The following EFCAB6 variants were observed in gnomAD, a reference collection of about 807,000 sequenced individuals.
EFCAB6 encodes EF-hand calcium binding domain 6.
A neutral mutation model predicts 169.8 loss-of-function variants in EFCAB6; 156 were observed. The observed-to-expected ratio is 0.92, with a 90% CI of 0.81 to 1.05. The LOEUF (loss-of-function observed/expected upper bound fraction) is 1.05, where lower values mean the gene tolerates loss of function less well. Among genes scored for constraint, EFCAB6 ranks in the 50% least tolerant of loss-of-function variants. EFCAB6 has a pLI of 0.00. For missense variants in EFCAB6, 1,800 were observed against 1,829.1 expected (o/e 0.98, Z 0.29); for synonymous variants, 698 against 676.4 (o/e 1.03, Z -0.50).
chr22:43,596,216 A>T (rs924800551), intron 23 of EFCAB6, among the ~76,000 whole-genome samples: 1 of 152,164 alleles, frequency 6.6e-6, no homozygotes, highest in Non-Finnish European at 1.5e-5. Context: ...TACCACTTCT[A>T]TTCAACACAG....
intron 10 of EFCAB6, among the ~76,000 whole-genome samples, chr22:43,706,844 T>C (rs1179879961): frequency 6.6e-6 from 1 of 152,200 alleles, no homozygotes; most frequent in African/African-American, 2.4e-5. Flanking sequence ...CACGAACACA[T>C]TAAAGGAGGC....
rs138538528 is a variant in EFCAB6, at chr22:43,717,276, C to A, written c.758-304G>T. On this transcript the variant is annotated intron_variant, in intron 8 of 31. Coordinates refer to ENST00000262726, the MANE Select transcript of EFCAB6 (RefSeq NM_022785.4). ...AGATGACTGTTACATACTACATAAT[C>A]TTTGTGTGAGAAAGCCTTGCCAAGG... Among the ~76,000 whole-genome samples, 352 of 151,234 alleles carry A rather than the reference C, an allele frequency of 2.3e-3. 1 individual carries two copies. The highest frequency in any genetic ancestry group is 8.3e-3 in the African/African-American group (344 of 41,258).
chr22:43,552,613 GC>G (rs2048445533), intron 27 of EFCAB6: 1 of 152,164 alleles, frequency 6.6e-6, no homozygotes, highest in Non-Finnish European at 1.5e-5. Context: ...AGACACGTCA[GC>G]TTATTTTTAG....
At position 43,709,108 on chromosome 22, in the gene EFCAB6, G is replaced by C. The variant is rs888247065; in HGVS notation, c.1031+2367C>G. On this transcript the variant is annotated intron_variant, in intron 10 of 31. Coordinates refer to ENST00000262726, the MANE Select transcript of EFCAB6 (RefSeq NM_022785.4). ...TTATTTCTTCATTTTTTGGGACAGA[G>C]TCGTGCTCTGTTGCCCAGGCTGGGG... 2.0e-5 allele frequency among the ~76,000 whole-genome samples: 3 copies of C among 152,116 alleles called. No individual in the cohort carries two copies. The South Asian group carries it at 6.2e-4, about 32-fold the overall frequency.
intron 6 of EFCAB6, among the ~76,000 whole-genome samples, chr22:43,749,640 G>A (rs2060685222): frequency 6.6e-6 from 1 of 152,170 alleles, no homozygotes; most frequent in African/African-American, 2.4e-5. Context: ...AGGCGGTGAT[G>A]CTCATTTGCC....
At chr22:43,798,609 C>T (rs140583446) in intron 2 of EFCAB6, among the ~76,000 whole-genome samples, 1 of 152,324 alleles carries the variant, frequency 6.6e-6, no homozygotes, top group Admixed American at 6.5e-5. Flanking sequence ...TTGTCTCCCA[C>T]TAGACTTTCA....
chr22:43,547,670 T>C (rs1487777736), intron 27 of EFCAB6, among the ~76,000 whole-genome samples: 1 of 147,228 alleles, frequency 6.8e-6, no homozygotes, highest in Non-Finnish European at 1.5e-5. Flanking sequence ...GAAGCTGAGG[T>C]GGGAGGATAG....
chr22:43,760,078 C>A (rs1166152695), intron 5 of EFCAB6, among the ~76,000 whole-genome samples: 1 of 151,882 alleles, frequency 6.6e-6, no homozygotes, highest in Non-Finnish European at 1.5e-5. Context: ...GTGGCACACA[C>A]CTGTAATCCC....
rs1270971123 is a variant in EFCAB6, at chr22:43,723,102, G to A, written c.758-6130C>T. Among the ~76,000 whole-genome samples the A allele has an allele frequency of 2.6e-5, 4 of 152,186 alleles. 1 individual carries two copies. In the South Asian group the frequency reaches 8.3e-4, roughly 31 times the overall value. On this transcript the variant is annotated intron_variant, in intron 8 of 31. Transcript: ENST00000262726. ...CGTAGTGGAAATAGCAAGAGAACTA[G>A]AATTAAAAGTGGAGCCTGAAGATGT...
chr22:43,600,968 G>A (rs965488699), intron 22 of EFCAB6, among the ~76,000 whole-genome samples: 7 of 152,098 alleles, frequency 4.6e-5, no homozygotes, highest in African/African-American at 7.2e-5. Flanking sequence ...TCGCCCGTTC[G>A]GCAGTTTTTT....
chr22:43,571,990 A>G (rs1422705985), intron 26 of EFCAB6, among the ~76,000 whole-genome samples: 1 of 152,126 alleles, frequency 6.6e-6, no homozygotes, highest in Admixed American at 6.5e-5. Context: ...TCCTAGGCCA[A>G]TTTAGGGGGT....
chr22:43,796,289 G>A (rs1036001611), intron 2 of EFCAB6, among the ~76,000 whole-genome samples: 2 of 151,954 alleles, frequency 1.3e-5, no homozygotes, highest in Non-Finnish European at 2.9e-5. Context: ...GGGAGCCAGG[G>A]TCGGGTTTGA....
chr22:43,748,630 T>C (rs1407330904), intron 6 of EFCAB6, among the ~76,000 whole-genome samples: 2 of 152,132 alleles, frequency 1.3e-5, no homozygotes, highest in Non-Finnish European at 2.9e-5. Context: ...ATTTACTGAG[T>C]GTATATCCGG....
At position 43,784,589 on chromosome 22, in the gene EFCAB6, A is replaced by ATGTG. The variant is rs377683689; in HGVS notation, c.-7-2265_-7-2264insCACA. ...TATATGTGTACATATACACATATAT[A>ATGTG]TGTATATATACACATATATATGTGT... On this transcript the variant is annotated intron_variant, in intron 2 of 31. Coordinates refer to ENST00000262726, the MANE Select transcript of EFCAB6 (RefSeq NM_022785.4). Among the ~76,000 whole-genome samples, 7 of 40,208 alleles carry ATGTG rather than the reference A, an allele frequency of 1.7e-4. 1 individual carries two copies. Among genetic ancestry groups the ATGTG allele is most frequent in the South Asian group, 1.2e-3 (1 of 860 alleles). The allele number at this position is 40,208 out of a possible 152,430, so 26.4% of individuals were successfully genotyped here.
At chr22:43,711,406 G>A (rs753298498) in intron 10 of EFCAB6, 69 bp downstream of exon 10, 12 of 1,404,652 alleles carry the variant, frequency 8.5e-6, no homozygotes, top group African/African-American at 1.5e-5. Flanking sequence ...AAAAATAAAC[G>A]AAGCTGTGCC....
At chr22:43,645,474 A>G (rs2056097724) in intron 17 of EFCAB6, among the ~76,000 whole-genome samples, 1 of 152,234 alleles carries the variant, frequency 6.6e-6, no homozygotes, top group Non-Finnish European at 1.5e-5. Flanking sequence ...GTTGCTAATC[A>G]TTGACTGTAG....
chr22:43,621,903 T>G (rs2054139887), intron 20 of EFCAB6, among the ~76,000 whole-genome samples: 1 of 152,204 alleles, frequency 6.6e-6, no homozygotes, highest in African/African-American at 2.4e-5. Flanking sequence ...AAGAACACCA[T>G]GAACCATATT....
intron 5 of EFCAB6, among the ~76,000 whole-genome samples, chr22:43,760,655 A>AT (rs71188411): frequency 0.36 from 49,526 of 138,798 alleles, 9,415 homozygotes; most frequent in African/African-American, 0.46. Context: ...GAGTAGGTGC[A>AT]TTTTTTTTTT....
At chr22:43,685,201 C>T (rs181548487) in intron 11 of EFCAB6, among the ~76,000 whole-genome samples, 12 of 152,170 alleles carry the variant, frequency 7.9e-5, no homozygotes, top group Admixed American at 3.3e-4. Flanking sequence ...ACCAAGTTGC[C>T]GAGAGCAGAT....
Sources: gnomAD v4.1 joint callset for allele counts (sites outside exome capture counted in the v4.1 genomes callset) on GRCh38, gnomAD v4.1.1 for gene constraint, MANE v1.5 for transcripts, NCBI Gene and HGNC (gene_info 2026-07-23, HGNC 2026-07-21) for gene names.